ST8SIA1: variants seen among roughly 807,000 people sequenced by gnomAD.
ST8SIA1 encodes the protein alpha-N-acetylneuraminide alpha-2,8-sialyltransferase.
Under a neutral mutation model 35.9 loss-of-function variants are expected in ST8SIA1, and 16 were observed. The observed-to-expected ratio is 0.45, with a 90% confidence interval of 0.30 to 0.68. The LOEUF (loss-of-function observed/expected upper bound fraction) is 0.68, where lower values mean the gene tolerates loss of function less well. Among genes scored for constraint, ST8SIA1 ranks in the 30% least tolerant of loss-of-function variants. The probability of loss-of-function intolerance (pLI) is 0.09; values close to 1 mark genes in which losing one functional copy is unlikely to be tolerated. For synonymous variants in ST8SIA1, 170 were observed against 169.6 expected, an observed-to-expected ratio of 1.00 and a Z score of -0.02; for missense variants, 383 against 453.6, an observed-to-expected ratio of 0.84 and a Z score of 1.41.
chr12:22,252,513 G>A (rs948073532), intron 3 of ST8SIA1, among the ~76,000 whole-genome samples: 2 of 152,048 alleles, frequency 1.3e-5, no homozygotes, highest in Non-Finnish European at 2.9e-5. Context: ...ATTAAAATGT[G>A]TCATAAAACA....
chr12:22,222,890 G>A (rs905258465), intron 4 of ST8SIA1, among the ~76,000 whole-genome samples: 1 of 152,012 alleles, frequency 6.6e-6, no homozygotes, highest in African/African-American at 2.4e-5. Context: ...ACTAGCCTGT[G>A]CTACCTCTAG....
At chr12:22,290,734 T>C (rs1418160323) in intron 1 of ST8SIA1, among the ~76,000 whole-genome samples, 2 of 152,216 alleles carry the variant, frequency 1.3e-5, no homozygotes, top group Non-Finnish European at 2.9e-5. Flanking sequence ...ATAATGGACT[T>C]CACGTCCGTC....
intron 2 of ST8SIA1, among the ~76,000 whole-genome samples, chr12:22,272,362 G>A (rs1237969623): frequency 7.9e-5 from 12 of 152,158 alleles, no homozygotes; most frequent in African/African-American, 2.7e-4. Flanking sequence ...TTTTCAACTC[G>A]AAGGATGATT....
chr12:22,285,034 C>T (rs1375076685), intron 2 of ST8SIA1, among the ~76,000 whole-genome samples: 1 of 152,234 alleles, frequency 6.6e-6, no homozygotes, highest in Non-Finnish European at 1.5e-5. Flanking sequence ...TAGTTTGTAG[C>T]AGTTTTCATA....
chr12:22,321,545 GT>G (rs1866601834), intron 1 of ST8SIA1, among the ~76,000 whole-genome samples: 1 of 152,186 alleles, frequency 6.6e-6, no homozygotes, highest in East Asian at 1.9e-4. Context: ...GGCGGAGGTG[GT>G]AGACGCCAGA....
intron 1 of ST8SIA1, among the ~76,000 whole-genome samples, chr12:22,309,657 G>A (rs1286930426): frequency 6.6e-6 from 1 of 152,008 alleles, no homozygotes; most frequent in South Asian, 2.1e-4. Context: ...CTGGCTTCTG[G>A]TGGGAGGCTA....
chr12:22,317,112 A>T (rs1591855423), intron 1 of ST8SIA1, among the ~76,000 whole-genome samples: 1 of 151,790 alleles, frequency 6.6e-6, no homozygotes, highest in African/African-American at 2.4e-5. Context: ...CATTTTTTTT[A>T]TTTAAAAAAA....
chr12:22,254,121 G>T (rs931366245), intron 3 of ST8SIA1, among the ~76,000 whole-genome samples: 1 of 152,114 alleles, frequency 6.6e-6, no homozygotes, highest in African/African-American at 2.4e-5. Flanking sequence ...AGAGTCTGCT[G>T]GCACTTGGTT....
rs776508376 is a variant in ST8SIA1, at chr12:22,201,309, C to T, written c.*243G>A. On this transcript the variant is annotated 3_prime_UTR_variant, in exon 5 of 5. Transcript: ENST00000396037. ...ACCATGTGCTTTACCAACAGCATTTCACCAGCATTTTACTAGTTGCAAATC... is the reference window on the plus strand; with the variant it reads ...ACCATGTGCTTTACCAACAGCATTTTACCAGCATTTTACTAGTTGCAAATC... 53 of 437,380 alleles carry T rather than the reference C, an allele frequency of 1.2e-4. No homozygotes were observed. The highest frequency in any genetic ancestry group is 6.1e-4 in the Middle Eastern group (1 of 1,640). The allele number at this position is 437,380 out of a possible 1,614,324, so 27.1% of individuals were successfully genotyped here. A position where few individuals can be genotyped will look rare whatever the true frequency, so the allele number is the denominator to read the frequency against.
intron 3 of ST8SIA1, among the ~76,000 whole-genome samples, chr12:22,249,537 T>C (rs1177836732): frequency 1.3e-5 from 2 of 152,050 alleles, no homozygotes; most frequent in Non-Finnish European, 2.9e-5. Context: ...GTTTTTTGTT[T>C]TGTTTTGTTT....
chr12:22,231,599 A>G (rs1342073429), intron 4 of ST8SIA1, among the ~76,000 whole-genome samples: 1 of 151,156 alleles, frequency 6.6e-6, no homozygotes, highest in Non-Finnish European at 1.5e-5. Context: ...TTTGAGATGG[A>G]GTCTTGCTCT....
chr12:22,303,207 T>C (rs1045802285), intron 1 of ST8SIA1, among the ~76,000 whole-genome samples: 25 of 152,180 alleles, frequency 1.6e-4, no homozygotes, highest in African/African-American at 5.8e-4. Flanking sequence ...AGAGGTAGCT[T>C]TAAGGCTCAG....
chr12:22,291,980 G>A (rs895057981), intron 1 of ST8SIA1, among the ~76,000 whole-genome samples: 3 of 152,012 alleles, frequency 2.0e-5, no homozygotes, highest in Admixed American at 6.6e-5. Flanking sequence ...ATATAAAGCA[G>A]AATAACAGAG....
chr12:22,249,217 T>TG, intron 3 of ST8SIA1, 119 bp from the exon 4 acceptor site: 3 of 676,730 alleles, frequency 4.4e-6, no homozygotes, highest in Non-Finnish European at 7.2e-6. Flanking sequence ...TGTTTTGTTT[T>TG]TTGTTTTTTT....
At chr12:22,318,829 G>T (rs538049335) in intron 1 of ST8SIA1, among the ~76,000 whole-genome samples, 1 of 152,324 alleles carries the variant, frequency 6.6e-6, no homozygotes, top group East Asian at 1.9e-4. Context: ...TTGACTTGAA[G>T]CCCTGAATGC....
intron 4 of ST8SIA1, among the ~76,000 whole-genome samples, chr12:22,241,598 A>ATT (rs71053392): frequency 0.015 from 1,535 of 104,312 alleles, 67 homozygotes; most frequent in African/African-American, 0.051. Flanking sequence ...AGACTCCGGT[A>ATT]TTTTTTTTTT....
chr12:22,237,975 C>G (rs775312959), intron 4 of ST8SIA1, among the ~76,000 whole-genome samples: 3 of 151,942 alleles, frequency 2.0e-5, no homozygotes, highest in Non-Finnish European at 2.9e-5. Context: ...TTTGGAGATC[C>G]TGGATTTTAA....
chr12:22,230,840 C>T (rs1865410788), intron 4 of ST8SIA1, among the ~76,000 whole-genome samples: 1 of 151,974 alleles, frequency 6.6e-6, no homozygotes, highest in Admixed American at 6.6e-5. Flanking sequence ...AGCAAGGATA[C>T]CACAATTGGG....
chr12:22,287,326 AGCAG>A, intron 1 of ST8SIA1, 33 bp from the exon 2 acceptor site: 1 of 1,600,092 alleles, frequency 6.2e-7, no homozygotes, highest in Non-Finnish European at 8.5e-7. Context: ...AGAAAAGAAC[AGCAG>A]GTTAAATGAG....
Sources: allele counts gnomAD v4.1 joint callset (sites outside exome capture counted in the v4.1 genomes callset), GRCh38; gene constraint gnomAD v4.1.1; transcripts MANE v1.5; gene names NCBI Gene and HGNC (gene_info 2026-07-23, HGNC 2026-07-21).